ACER3: variants seen among roughly 807,000 people sequenced by gnomAD.
ACER3 encodes the protein alkaline ceramidase 3, also known as alkCDase 3.
In ACER3, 16 loss-of-function variants were observed where a neutral mutation model predicts 48.9. The observed-to-expected ratio is 0.33, with a 90% CI of 0.22 to 0.50. ACER3 has a LOEUF of 0.50. Among genes scored for constraint, ACER3 ranks in the 20% least tolerant of loss-of-function variants. The probability of loss-of-function intolerance (pLI) is 0.98; values close to 1 mark genes in which losing one functional copy is unlikely to be tolerated. For missense variants in ACER3, 227 were observed against 326.0 expected (o/e 0.70, Z 2.34); for synonymous variants, 109 against 107.8 (o/e 1.01, Z -0.07).
intron 4 of ACER3, among the ~76,000 whole-genome samples, chr11:76,980,248 C>T (rs1948554494): frequency 6.6e-6 from 1 of 152,170 alleles, no homozygotes; most frequent in South Asian, 2.1e-4. Flanking sequence ...AGGTAAACTC[C>T]TTTTAATAAC....
chr11:76,943,760 C>G lies in ACER3; in HGVS notation c.215-15219C>G, dbSNP rs551570871. ...GTGATGTGTTGAAGACCCCCCCCCC[C>G]ACTATTATCATATTGCTGTATACTT... On this transcript the variant is annotated intron_variant, in intron 2 of 10. Transcript: ENST00000532485. Among the ~76,000 whole-genome samples the G allele has an allele frequency of 1.2e-4, 17 of 142,936 alleles. No homozygotes were observed. In the South Asian group the frequency reaches 3.4e-3, roughly 29 times the overall value. The allele number at this position is 142,936 out of a possible 152,430, so 93.8% of individuals were successfully genotyped here.
chr11:76,936,669 A>G (rs938728945), intron 2 of ACER3, among the ~76,000 whole-genome samples: 57 of 152,140 alleles, frequency 3.7e-4, no homozygotes, highest in African/African-American at 1.3e-3. Flanking sequence ...AAATATTCAC[A>G]AGAAAAGGTT....
chr11:76,992,081 A>G (rs1480222128), intron 6 of ACER3, among the ~76,000 whole-genome samples: 2 of 151,842 alleles, frequency 1.3e-5, no homozygotes, highest in Non-Finnish European at 1.5e-5. Flanking sequence ...GCATGGTGGA[A>G]CATGCCTGTA....
At position 76,973,756 on chromosome 11, in the gene ACER3, T is replaced by C. The variant is rs529750880; in HGVS notation, c.268-2533T>C. On this transcript the variant is annotated intron_variant, in intron 3 of 10. Coordinates refer to ENST00000532485, the MANE Select transcript of ACER3 (RefSeq NM_018367.7). ...TCTACTGAAGTACACTTTATCTGTTTTTTTTTCTTTGGTTGCTTATGTTTT... is the reference window on the plus strand; with the variant it reads ...TCTACTGAAGTACACTTTATCTGTTCTTTTTTCTTTGGTTGCTTATGTTTT... 4.6e-5 allele frequency among the ~76,000 whole-genome samples: 7 copies of C among 152,348 alleles called. No individual in the cohort carries two copies. The East Asian group carries it at 1.3e-3, about 29-fold the overall frequency.
At chr11:76,984,095 A>G (rs544251779) in intron 4 of ACER3, among the ~76,000 whole-genome samples, 44 of 152,010 alleles carry the variant, frequency 2.9e-4, no homozygotes, top group Non-Finnish European at 5.3e-4. Flanking sequence ...GGCTCTAATG[A>G]TTTTTAAATC....
At chr11:76,897,401 C>G (rs985242217) in intron 1 of ACER3, among the ~76,000 whole-genome samples, 4 of 152,174 alleles carry the variant, frequency 2.6e-5, no homozygotes, top group Non-Finnish European at 5.9e-5. Flanking sequence ...TGCCATCATA[C>G]ATTAAGATCC....
intron 1 of ACER3, among the ~76,000 whole-genome samples, chr11:76,915,692 G>A (rs1396897886): frequency 6.6e-6 from 1 of 152,220 alleles, no homozygotes; most frequent in Admixed American, 6.5e-5. Context: ...ATGAAGAAAA[G>A]AGGTTTCATT....
At position 77,016,694 on chromosome 11, in the gene ACER3, C is replaced by A; in HGVS notation, c.619C>A (p.Pro207Thr). 1 of 1,581,954 alleles carries A rather than the reference C, an allele frequency of 6.3e-7. No individual in the cohort carries two copies. The highest frequency in any genetic ancestry group is 8.6e-7 in the Non-Finnish European group (1 of 1,162,416). The stretch of plus-strand genomic sequence containing the variant: ...ACACAGGAACTTTCGAAAGAAGGTA[C>A]CACCTATCATAGGTATTACCACACA... ...ESLRNFRKKV[P>T]PIIGITTQFH... Residue 207 changes from proline (P) to threonine (T), a missense_variant, in exon 9 of 11, where the codon CCA becomes ACA. This residue lies in a region of ACER3 where 195 missense variants were observed against 290.8 expected (regional missense o/e 0.67). Transcript: ENST00000532485.
intron 3 of ACER3, among the ~76,000 whole-genome samples, chr11:76,975,603 C>T (rs2135148612): frequency 6.6e-6 from 1 of 152,112 alleles, no homozygotes; most frequent in East Asian, 1.9e-4. Context: ...CTGATAGGAC[C>T]TATGGACCTG....
chr11:76,868,011 C>A, intron 1 of ACER3: 2 of 915,466 alleles, frequency 2.2e-6, no homozygotes, highest in Non-Finnish European at 2.9e-6. Flanking sequence ...TGCTGCAGCA[C>A]AAGACAAAAG....
At chr11:77,019,175 A>G (rs1426058940) in intron 9 of ACER3, among the ~76,000 whole-genome samples, 2 of 152,148 alleles carry the variant, frequency 1.3e-5, no homozygotes, top group African/African-American at 2.4e-5. Context: ...ATTATGCTAA[A>G]TGTGGCCGGG....
At position 76,948,211 on chromosome 11, in the gene ACER3, C is replaced by CTGTGTG. The variant is rs57302394; in HGVS notation, c.215-10720_215-10715dup. ...TGCTGTAGCTCCATTCTGGCTCACT[C>CTGTGTG]TGTGTGTGTGTGTGTGTGTGTGTGT... On this transcript the variant is annotated intron_variant, in intron 2 of 10. Transcript: ENST00000532485. 9.7e-3 allele frequency among the ~76,000 whole-genome samples: 1,310 copies of CTGTGTG among 135,694 alleles called. 26 individuals are homozygous for CTGTGTG. Among genetic ancestry groups the CTGTGTG allele is most frequent in the East Asian group, 0.062 (269 of 4,348 alleles). The allele number at this position is 135,694 out of a possible 152,430, so 89.0% of individuals were successfully genotyped here. A position where few individuals can be genotyped will look rare whatever the true frequency, so the allele number is the denominator to read the frequency against.
chr11:76,995,488 C>T (rs1186130524), intron 6 of ACER3, among the ~76,000 whole-genome samples: 1 of 151,896 alleles, frequency 6.6e-6, no homozygotes, highest in Non-Finnish European at 1.5e-5. Context: ...TTTTTATAGC[C>T]TTTGGAGTTT....
intron 2 of ACER3, among the ~76,000 whole-genome samples, chr11:76,929,143 G>C (rs746679829): frequency 7.9e-5 from 12 of 152,102 alleles, no homozygotes; most frequent in Admixed American, 6.5e-4. Flanking sequence ...TCGTTGAGCA[G>C]TGGTTTGTAG....
intron 1 of ACER3, among the ~76,000 whole-genome samples, chr11:76,903,463 G>A (rs1304623695): frequency 6.7e-5 from 1 of 14,954 alleles, no homozygotes; most frequent in East Asian, 1.0e-3. Context: ...ACCCGCCCCC[G>A]GCCCACACAC....
chr11:76,936,224 A>AGACC (rs1210951258), intron 2 of ACER3, among the ~76,000 whole-genome samples: 1 of 152,226 alleles, frequency 6.6e-6, no homozygotes, highest in African/African-American at 2.4e-5. Flanking sequence ...ATATTCCAAT[A>AGACC]GACCATACAG....
chr11:76,989,657 G>C (rs1290855923), intron 5 of ACER3, among the ~76,000 whole-genome samples: 2 of 152,148 alleles, frequency 1.3e-5, no homozygotes, highest in African/African-American at 4.8e-5. Flanking sequence ...CTGGAGACTT[G>C]GATGAGGAGG....
chr11:76,934,452 G>A (rs868708348), intron 2 of ACER3, among the ~76,000 whole-genome samples: 15 of 152,252 alleles, frequency 9.9e-5, no homozygotes, highest in Admixed American at 7.2e-4. Context: ...TCGGGAGGCC[G>A]AGGCTGGCGG....
intron 1 of ACER3, among the ~76,000 whole-genome samples, chr11:76,877,924 G>C (rs1174804307): frequency 1.9e-5 from 2 of 102,620 alleles, no homozygotes; most frequent in Admixed American, 1.8e-4. Context: ...TTCTTCCACA[G>C]CTTGCTTTTT....
Sources: gnomAD v4.1 joint callset for allele counts (sites outside exome capture counted in the v4.1 genomes callset) on GRCh38, gnomAD v4.1.1 for gene constraint, gnomAD v4.1.1 regional missense constraint, MANE v1.5 for transcripts, NCBI Gene and HGNC (gene_info 2026-07-23, HGNC 2026-07-21) for gene names.